Variants in FAM86B2 observed in about 807,000 individuals in gnomAD.
The protein encoded by FAM86B2 is family with sequence similarity 86 member B2.
FAM86B2 carries 1 observed loss-of-function variant against 26.5 expected under a neutral mutation model. The ratio of observed to expected loss-of-function variants is 0.04; its 90% CI spans 0.01 to 0.18. FAM86B2 has a LOEUF of 0.18. FAM86B2 is among the 10% of genes least tolerant of loss of function. The pLI is 1.00. For missense variants in FAM86B2, 43 were observed against 303.5 expected (o/e 0.14, Z 6.38); for synonymous variants, 11 against 127.8 (o/e 0.09, Z 6.17).
rs376496965 is a variant in FAM86B2 at position 12,429,435 on chromosome 8, T to C, written c.343-321A>G. Among the ~76,000 whole-genome samples, 242 of 59,986 alleles carry C rather than the reference T, an allele frequency of 4.0e-3. 1 individual carries two copies. Among genetic ancestry groups the C allele is most frequent in the African/African-American group, 0.012 (179 of 14,496 alleles). 39.4% of individuals were successfully genotyped at this position (59,986 alleles called of 152,430 possible). ...TGAAGAGGTGGCTGCCTTGTGATGATTCAATATGCTATGTTTTTCCTTTGT... is the reference window on the plus strand; with the variant it reads ...TGAAGAGGTGGCTGCCTTGTGATGACTCAATATGCTATGTTTTTCCTTTGT... On this transcript the variant is annotated intron_variant, in intron 4 of 7. Transcript: ENST00000262365.
intron 1 of FAM86B2, among the ~76,000 whole-genome samples, chr8:12,435,909 T>C (rs1463975899): frequency 6.7e-6 from 1 of 148,894 alleles, no homozygotes; most frequent in Non-Finnish European, 1.5e-5. Context: ...CGCTGACTTT[T>C]TAGAATGGGC....
At chr8:12,428,428 T>C (rs1812992684) in intron 6 of FAM86B2, among the ~76,000 whole-genome samples, 4 of 152,096 alleles carry the variant, frequency 2.6e-5, no homozygotes, top group Non-Finnish European at 5.9e-5. Flanking sequence ...AGTATGCCTG[T>C]CTCCAACAAC....
intron 6 of FAM86B2, among the ~76,000 whole-genome samples, chr8:12,428,316 G>A (rs1812960405): frequency 6.7e-6 from 1 of 149,890 alleles, no homozygotes; most frequent in East Asian, 2.0e-4. Context: ...TTCTCTCAAG[G>A]GCCCTGACCT....
rs1381343532 is a variant in FAM86B2 at position 12,431,533 on chromosome 8, T to A, written c.240+549A>T. 2.2e-4 allele frequency among the ~76,000 whole-genome samples: 16 copies of A among 72,656 alleles called. 2 individuals carry two copies. The highest frequency in any genetic ancestry group is 1.2e-3 in the African/African-American group (16 of 13,698). The allele number at this position is 72,656 out of a possible 152,430, so 47.7% of individuals were successfully genotyped here. A position where few individuals can be genotyped will look rare whatever the true frequency, so the allele number is the denominator to read the frequency against. On this transcript the variant is annotated intron_variant, in intron 3 of 7. Transcript: ENST00000262365. The stretch of plus-strand genomic sequence containing the variant: ...TAGTGAGACTCTGTCTCAAAAAAAA[T>A]ATATAAATAAATAAATAAATAAATA...
At chr8:12,428,459 A>G (rs1464399938) in intron 6 of FAM86B2, among the ~76,000 whole-genome samples, 174 bp downstream of exon 6, 1 of 151,996 alleles carries the variant, frequency 6.6e-6, no homozygotes, top group Non-Finnish European at 1.5e-5. Flanking sequence ...CTTGAAGGTC[A>G]CCTTAAGAGG....
At chr8:12,429,661 C>G (rs1813225731) in intron 4 of FAM86B2, among the ~76,000 whole-genome samples, 1 of 12,566 alleles carries the variant, frequency 8.0e-5, no homozygotes, top group Non-Finnish European at 1.3e-4. Context: ...TTTTGAGACA[C>G]AGATTCACTC....
At chr8:12,436,133 A>G in intron 1 of FAM86B2, 115 bp downstream of exon 1, 2 of 644,304 alleles carry the variant, frequency 3.1e-6, no homozygotes, top group Non-Finnish European at 5.3e-6. Flanking sequence ...CTGACCGAGG[A>G]GAGCCCAGGA....
chr8:12,426,188 GC>G (rs1812618877), intron 7 of FAM86B2, among the ~76,000 whole-genome samples, 199 bp from the exon 8 acceptor site: 1 of 148,050 alleles, frequency 6.8e-6, no homozygotes, highest in Non-Finnish European at 1.5e-5. Flanking sequence ...CATAGAAATG[GC>G]TAGCAGCAGG....
intron 2 of FAM86B2, among the ~76,000 whole-genome samples, chr8:12,433,564 A>T (rs1379921476): frequency 6.7e-6 from 1 of 149,840 alleles, no homozygotes. Context: ...TTGGCCCTCA[A>T]TGCCAAGGTC....
intron 1 of FAM86B2, among the ~76,000 whole-genome samples, chr8:12,434,839 A>G (rs1406150249): frequency 1.3e-5 from 2 of 150,200 alleles, no homozygotes; most frequent in Non-Finnish European, 3.0e-5. Context: ...CTCTTTGGGG[A>G]AGGCTTCCCT....
intron 7 of FAM86B2, among the ~76,000 whole-genome samples, chr8:12,426,390 T>G (rs62498089): frequency 0.28 from 36,966 of 133,448 alleles, 1,796 homozygotes; most frequent in East Asian, 0.53. Flanking sequence ...TTATACTATG[T>G]GTGCTGCTTG....
chr8:12,428,408 C>T (rs1812986571), intron 6 of FAM86B2, among the ~76,000 whole-genome samples: 1 of 152,076 alleles, frequency 6.6e-6, no homozygotes, highest in Non-Finnish European at 1.5e-5. Flanking sequence ...GTGGTGACGA[C>T]TGTAACGGGA....
chr8:12,429,085 C>G lies in FAM86B2; in HGVS notation c.372G>C (p.Lys124Asn). Residue 124 changes from lysine (K) to asparagine (N), a missense_variant, in exon 5 of 8, where the codon AAG (lysine) becomes AAC (asparagine). Lys to Asn is a moderately conservative substitution (Grantham distance 94, BLOSUM62 0). Transcript: ENST00000262365. ...TACCGTGGGAGATGATGGCTGTGCT[C>G]TTGGAGAGTGTGACTGAGCCTCCTG... ...LSSGGSVTLS[K>N]STAIISHGTT... is the part of the protein sequence containing the mutation. 1 of 356,024 alleles carries G rather than the reference C, an allele frequency of 2.8e-6. No individual in the cohort carries two copies. Among genetic ancestry groups the G allele is most frequent in the Non-Finnish European group, 4.6e-6 (1 of 218,100 alleles). The allele number at this position is 356,024 out of a possible 1,614,324, so 22.1% of individuals were successfully genotyped here. A position where few individuals can be genotyped will look rare whatever the true frequency, so the allele number is the denominator to read the frequency against.
chr8:12,431,532 AT>A lies in FAM86B2; in HGVS notation c.240+549del, dbSNP rs1363302150. Among the ~76,000 whole-genome samples, 10 of 74,510 alleles carry A rather than the reference AT, an allele frequency of 1.3e-4. 1 individual carries two copies. Among genetic ancestry groups the A allele is most frequent in the South Asian group, 4.4e-4 (1 of 2,272 alleles). 48.9% of individuals were successfully genotyped at this position (74,510 alleles called of 152,430 possible). A position where few individuals can be genotyped will look rare whatever the true frequency, so the allele number is the denominator to read the frequency against. On this transcript the variant is annotated intron_variant, in intron 3 of 7. Coordinates refer to ENST00000262365, the MANE Select transcript of FAM86B2 (RefSeq NM_001137610.3). The stretch of plus-strand genomic sequence containing the variant: ...ATAGTGAGACTCTGTCTCAAAAAAA[AT>A]ATATAAATAAATAAATAAATAAATA...
chr8:12,428,501 C>T lies in FAM86B2; in HGVS notation c.742+132G>A, dbSNP rs1813010793. On this transcript the variant is annotated intron_variant, in intron 6 of 7. Transcript: ENST00000262365. ...TGTCCTTTGATGTCACCCTGGAGGC[C>T]CAGAGTAACTCTTCTGGAAGCCCCA... The T allele has an allele frequency of 4.2e-6, 6 of 1,443,638 alleles. No individual in the cohort carries two copies. In the South Asian group the frequency reaches 6.7e-5, roughly 16 times the overall value. The allele number at this position is 1,443,638 out of a possible 1,614,324, so 89.4% of individuals were successfully genotyped here.
At chr8:12,428,120 G>C (rs1194675510) in intron 6 of FAM86B2, among the ~76,000 whole-genome samples, 1 of 119,814 alleles carries the variant, frequency 8.3e-6, no homozygotes, top group Non-Finnish European at 1.8e-5. Context: ...CGTGAACTTC[G>C]TGTTTCAGGT....
chr8:12,426,604 C>T (rs1194977857), intron 7 of FAM86B2, among the ~76,000 whole-genome samples: 4 of 66,094 alleles, frequency 6.1e-5, no homozygotes, highest in South Asian at 1.3e-3. Flanking sequence ...GCCATCCTCC[C>T]ACCTCAGCCT....
At chr8:12,434,996 A>G (rs1168894474) in intron 1 of FAM86B2, among the ~76,000 whole-genome samples, 1 of 151,248 alleles carries the variant, frequency 6.6e-6, no homozygotes, top group East Asian at 1.9e-4. Context: ...CTCATCTATC[A>G]TGGGTACTGC....
At chr8:12,435,008 G>A (rs1439533239) in intron 1 of FAM86B2, among the ~76,000 whole-genome samples, 1 of 150,736 alleles carries the variant, frequency 6.6e-6, no homozygotes, top group African/African-American at 2.5e-5. Context: ...GGGTACTGCC[G>A]ATCCATGGTG....
Sources: gnomAD v4.1 joint callset for allele counts (sites outside exome capture counted in the v4.1 genomes callset) on GRCh38, gnomAD v4.1.1 for gene constraint, MANE v1.5 for transcripts, NCBI Gene and HGNC (gene_info 2026-07-23, HGNC 2026-07-21) for gene names.